RANBP2: variants seen among roughly 807,000 people sequenced by gnomAD.
The protein encoded by RANBP2 is E3 SUMO-protein ligase RanBP2.
A neutral mutation model predicts 303.6 loss-of-function variants in RANBP2; 57 were observed. The ratio of observed to expected loss-of-function variants is 0.19; its 90% CI spans 0.15 to 0.23. RANBP2 has a LOEUF of 0.23. Among genes scored for constraint, RANBP2 ranks in the 10% least tolerant of loss-of-function variants. RANBP2 has a pLI of 1.00. For missense variants in RANBP2, 3,138 were observed against 3,780.8 expected (o/e 0.83, Z 4.46); for synonymous variants, 1,167 against 1,301.5 (o/e 0.90, Z 2.23).
At chr2:109,466,030 A>G in the RANBP2 span, among the ~76,000 whole-genome samples, 1 of 148,508 alleles carries the variant, frequency 6.7e-6, no homozygotes, top group Non-Finnish European at 1.5e-5. Flanking sequence ...TCAACATATA[A>G]TGCTGAGCAT....
chr2:109,541,908 A>C, the RANBP2 span, among the ~76,000 whole-genome samples: 1 of 152,210 alleles, frequency 6.6e-6, no homozygotes, highest in Non-Finnish European at 1.5e-5. Context: ...TTCCTGGCCC[A>C]ATAGGAACAC....
At chr2:109,087,117 C>A in the RANBP2 span, among the ~76,000 whole-genome samples, 1 of 152,172 alleles carries the variant, frequency 6.6e-6, no homozygotes, top group African/African-American at 2.4e-5. Flanking sequence ...TGTCCCTGGG[C>A]CAGAAAGAGC....
the RANBP2 span, among the ~76,000 whole-genome samples, chr2:109,508,487 C>T: frequency 1.3e-5 from 2 of 152,150 alleles, no homozygotes; most frequent in South Asian, 2.1e-4. Flanking sequence ...CTTCCGAGGG[C>T]CACCATACCA....
chr2:109,216,084 G>C, the RANBP2 span, among the ~76,000 whole-genome samples: 1 of 152,250 alleles, frequency 6.6e-6, no homozygotes, highest in East Asian at 1.9e-4. Flanking sequence ...GAAGAACGGA[G>C]CCTGTCAGCT....
chr2:109,024,969 C>A, the RANBP2 span, among the ~76,000 whole-genome samples: 1 of 152,278 alleles, frequency 6.6e-6, no homozygotes, highest in East Asian at 1.9e-4. Flanking sequence ...CAAAATATTT[C>A]ATCACCCCAG....
the RANBP2 span, among the ~76,000 whole-genome samples, chr2:109,687,979 G>A: frequency 6.6e-6 from 1 of 152,118 alleles, no homozygotes; most frequent in African/African-American, 2.4e-5. Flanking sequence ...AGATTTTAAT[G>A]ATGACATGAA....
At chr2:109,742,887 G>A in the RANBP2 span, among the ~76,000 whole-genome samples, 1 of 148,486 alleles carries the variant, frequency 6.7e-6, no homozygotes, top group East Asian at 1.9e-4. Flanking sequence ...AAAAATAGAT[G>A]CCAACAGGTA....
the RANBP2 span, among the ~76,000 whole-genome samples, chr2:109,125,422 G>C: frequency 6.6e-6 from 1 of 152,218 alleles, no homozygotes; most frequent in Non-Finnish European, 1.5e-5. Flanking sequence ...TTTCCTCTGA[G>C]CTTTTTCTCC....
the RANBP2 span, among the ~76,000 whole-genome samples, chr2:109,591,975 CCT>C: frequency 6.6e-6 from 1 of 152,124 alleles, no homozygotes; most frequent in Non-Finnish European, 1.5e-5. Context: ...TAGTTACTCA[CCT>C]CTTTCACCAG....
the RANBP2 span, among the ~76,000 whole-genome samples, chr2:109,140,673 G>T: frequency 3.3e-5 from 5 of 152,158 alleles, no homozygotes; most frequent in Non-Finnish European, 7.3e-5. Flanking sequence ...GAGCCACCAT[G>T]CCCGGCCAAT....
the RANBP2 span, among the ~76,000 whole-genome samples, chr2:109,622,756 A>G: frequency 6.6e-6 from 1 of 152,248 alleles, no homozygotes; most frequent in East Asian, 1.9e-4. Context: ...ACGCCAGCGT[A>G]GAAGAAAACC....
chr2:108,752,750 G>A (rs1338571854), intron 12 of RANBP2, among the ~76,000 whole-genome samples: 1 of 151,046 alleles, frequency 6.6e-6, no homozygotes. Context: ...CCGAGATCAC[G>A]CCACTGCACT....
the RANBP2 span, chr2:108,989,379 G>A: frequency 6.5e-6 from 1 of 152,734 alleles, no homozygotes; most frequent in Non-Finnish European, 1.5e-5. Flanking sequence ...CCCCTTAAGA[G>A]ATCTGTTGGA....
At chr2:108,757,234 AT>A (rs1445172081) in intron 17 of RANBP2, among the ~76,000 whole-genome samples, 12 of 152,116 alleles carry the variant, frequency 7.9e-5, no homozygotes, top group Non-Finnish European at 1.5e-5. Flanking sequence ...GTAAGGGGAC[AT>A]TTTGTAGGTT....
chr2:109,220,211 C>G, the RANBP2 span, among the ~76,000 whole-genome samples: 2 of 152,278 alleles, frequency 1.3e-5, no homozygotes, highest in African/African-American at 4.8e-5. Flanking sequence ...GCTGGGAAAA[C>G]TGGATATTCT....
chr2:108,846,644 TCCAA>T, the RANBP2 span: 1 of 1,121,190 alleles, frequency 8.9e-7, no homozygotes, highest in Non-Finnish European at 1.3e-6. Flanking sequence ...GCTACTGCAT[TCCAA>T]CCTGGGCAAC....
the RANBP2 span, among the ~76,000 whole-genome samples, chr2:109,470,968 C>T: frequency 6.6e-6 from 1 of 151,984 alleles, no homozygotes; most frequent in South Asian, 2.1e-4. Context: ...GCCTGTAATC[C>T]CAGCACTTTG....
At chr2:108,768,769 A>C (rs1278872290) in intron 20 of RANBP2, among the ~76,000 whole-genome samples, 1 of 152,020 alleles carries the variant, frequency 6.6e-6, no homozygotes, top group African/African-American at 2.4e-5. Context: ...ACGGTGGCTC[A>C]CTCCTAGAAT....
the RANBP2 span, among the ~76,000 whole-genome samples, chr2:109,468,259 T>C: frequency 6.6e-6 from 1 of 152,226 alleles, no homozygotes; most frequent in Admixed American, 6.5e-5. Context: ...CATGTGACTG[T>C]GTTGAACACC....
Sources: gnomAD v4.1 joint callset for allele counts (sites outside exome capture counted in the v4.1 genomes callset) on GRCh38, gnomAD v4.1.1 for gene constraint, MANE v1.5 for transcripts, NCBI Gene and HGNC (gene_info 2026-07-23, HGNC 2026-07-21) for gene names.